Variants in MAPRE3 observed in about 807,000 individuals in gnomAD.
MAPRE3 encodes microtubule associated protein RP/EB family member 3.
Under a neutral mutation model 30.5 loss-of-function variants are expected in MAPRE3, and 2 were observed. That is an observed-to-expected ratio of 0.07 (90% CI 0.03 to 0.21). The LOEUF is 0.21. MAPRE3 is among the 10% of genes least tolerant of loss of function. The probability of loss-of-function intolerance (pLI) is 1.00; values close to 1 mark genes in which losing one functional copy is unlikely to be tolerated. For synonymous variants in MAPRE3, 110 were observed against 127.7 expected, an observed-to-expected ratio of 0.86 and a Z score of 0.93; for missense variants, 204 against 351.8, an observed-to-expected ratio of 0.58 and a Z score of 3.36.
intron 1 of MAPRE3, among the ~76,000 whole-genome samples, chr2:27,008,466 AAAG>A (rs1175515553): frequency 6.6e-6 from 1 of 152,212 alleles, no homozygotes; most frequent in Non-Finnish European, 1.5e-5. Context: ...TTTATTTTAA[AAAG>A]AAGAAAAAAT....
intron 1 of MAPRE3, among the ~76,000 whole-genome samples, chr2:27,016,271 C>G (rs1056796377): frequency 2.6e-5 from 4 of 152,084 alleles, no homozygotes; most frequent in Non-Finnish European, 5.9e-5. Flanking sequence ...TACTACATCT[C>G]TTGGGACAGA....
chr2:26,983,225 G>A (rs1331551154), intron 1 of MAPRE3, among the ~76,000 whole-genome samples: 1 of 152,170 alleles, frequency 6.6e-6, no homozygotes, highest in African/African-American at 2.4e-5. Flanking sequence ...GAGCCTTTCC[G>A]AAGGGTGCAT....
At chr2:26,971,239 G>A (rs1665910877) in intron 1 of MAPRE3, among the ~76,000 whole-genome samples, 1 of 152,254 alleles carries the variant, frequency 6.6e-6, no homozygotes, top group South Asian at 2.1e-4. Context: ...AGTGACAGGA[G>A]AGCGAGGGGA....
intron 1 of MAPRE3, among the ~76,000 whole-genome samples, chr2:27,018,397 C>A (rs1667034270): frequency 6.6e-6 from 1 of 152,196 alleles, no homozygotes; most frequent in Non-Finnish European, 1.5e-5. Flanking sequence ...CCCTGGGGAC[C>A]TGGCAGAGTC....
At chr2:27,022,082 G>A in intron 1 of MAPRE3, 130 bp from the exon 2 acceptor site, 1 of 1,006,810 alleles carries the variant, frequency 9.9e-7, no homozygotes, top group East Asian at 2.4e-5. Flanking sequence ...CCTCCCTCTG[G>A]GGATAAACTG....
At chr2:26,972,613 A>G (rs1349826876) in intron 1 of MAPRE3, among the ~76,000 whole-genome samples, 2 of 152,048 alleles carry the variant, frequency 1.3e-5, no homozygotes, top group African/African-American at 2.4e-5. Context: ...TCACCAAAAT[A>G]CCCGAGCAGG....
In MAPRE3 at chr2:27,026,318, G is replaced by A; in HGVS notation, c.816G>A (p.Glu272=). The change falls in exon 7 of 7, where the codon GAG becomes GAA. Residue 272 remains glutamate (E), a synonymous_variant. Transcript: ENST00000233121. ...FAPPEDDEIE[E]HQQEDQDEY ...CCCCTGAGGACGATGAGATTGAAGAGCATCAACAAGAAGACCAGGACGAGT... is the reference window on the plus strand; with the variant it reads ...CCCCTGAGGACGATGAGATTGAAGAACATCAACAAGAAGACCAGGACGAGT... 2 of 1,614,036 alleles carry A rather than the reference G, an allele frequency of 1.2e-6. No homozygotes were observed. The highest frequency in any genetic ancestry group is 1.1e-5 in the South Asian group (1 of 91,062).
chr2:26,978,836 A>G (rs983659035), intron 1 of MAPRE3, among the ~76,000 whole-genome samples: 1 of 152,232 alleles, frequency 6.6e-6, no homozygotes, highest in African/African-American at 2.4e-5. Flanking sequence ...CTTGTCCATG[A>G]GGAGGCTGTA....
At chr2:27,022,085 A>G in intron 1 of MAPRE3, 127 bp from the exon 2 acceptor site, 1 of 1,068,120 alleles carries the variant, frequency 9.4e-7, no homozygotes, top group South Asian at 1.5e-5. Context: ...CCCTCTGGGG[A>G]TAAACTGCGA....
rs988351689 is a variant in MAPRE3, at chr2:26,970,699, G to C, written c.-111G>C. 6.6e-6 allele frequency: 1 copy of C among 152,424 alleles called. No individual in the cohort carries two copies. Among genetic ancestry groups the C allele is most frequent in the African/African-American group, 2.4e-5 (1 of 41,466 alleles). 9.4% of individuals were successfully genotyped at this position (152,424 alleles called of 1,614,324 possible). On this transcript the variant is annotated 5_prime_UTR_variant, in exon 1 of 7. Transcript: ENST00000233121. ...CGGAGACCGCGGCGGCCTCAGCGAG[G>C]ACCCTCCGCCCCGGAGCCGCCGGCC...
chr2:26,994,417 C>G (rs1251018987), intron 1 of MAPRE3, among the ~76,000 whole-genome samples: 2 of 152,198 alleles, frequency 1.3e-5, no homozygotes, highest in African/African-American at 4.8e-5. Flanking sequence ...GATTAATTCT[C>G]CTCTCTCTAC....
intron 1 of MAPRE3, among the ~76,000 whole-genome samples, chr2:27,017,657 A>C (rs1221091032): frequency 1.3e-5 from 2 of 152,144 alleles, no homozygotes; most frequent in East Asian, 3.8e-4. Flanking sequence ...TTTTCCCCCC[A>C]GATAAGTGGC....
At chr2:26,994,806 TTTC>T (rs200069735) in intron 1 of MAPRE3, among the ~76,000 whole-genome samples, 4,322 of 138,314 alleles carry the variant, frequency 0.031, 366 homozygotes, top group African/African-American at 0.093. Context: ...GACATTTTCC[TTTC>T]TTCTTCTTCT....
At chr2:27,025,237 C>T (rs1036632204) in intron 4 of MAPRE3, among the ~76,000 whole-genome samples, 10 of 152,204 alleles carry the variant, frequency 6.6e-5, no homozygotes, top group South Asian at 2.1e-4. Flanking sequence ...GCTATGAGTA[C>T]GAGAGGGTCC....
rs1466964190 is a variant in MAPRE3, at chr2:27,026,048, C to A, written c.777+16C>A. On this transcript the variant is annotated intron_variant, in intron 6 of 6. Coordinates refer to ENST00000233121, the MANE Select transcript of MAPRE3 (RefSeq NM_012326.4). The stretch of plus-strand genomic sequence containing the variant: ...TGCCACAGAGGTGAGCACTCCCAGG[C>A]CCATTGGGCCCTCCCCAGTCTGGCC... The A allele has an allele frequency of 6.2e-7, 1 of 1,613,700 alleles. No individual in the cohort carries two copies. Among genetic ancestry groups the A allele is most frequent in the Non-Finnish European group, 8.5e-7 (1 of 1,179,870 alleles).
chr2:26,994,961 C>T (rs973318594), intron 1 of MAPRE3, among the ~76,000 whole-genome samples: 4 of 151,910 alleles, frequency 2.6e-5, no homozygotes, highest in African/African-American at 9.7e-5. Context: ...CTCAGCCTCC[C>T]GAGTACCTAG....
intron 1 of MAPRE3, among the ~76,000 whole-genome samples, chr2:26,974,736 A>G: frequency 6.6e-6 from 1 of 152,236 alleles, no homozygotes; most frequent in East Asian, 1.9e-4. Flanking sequence ...TCTGAATGCC[A>G]GTTTCCTCAT....
rs138340048 is a variant in MAPRE3, at chr2:26,994,668, C to G, written c.-8+23866C>G. On this transcript the variant is annotated intron_variant, in intron 1 of 6. Coordinates refer to ENST00000233121, the MANE Select transcript of MAPRE3 (RefSeq NM_012326.4). ...TGCACTGATAAATTTTAAGTAAGTCCTGCTCTGTGACATCTAGGAAGACAT... is the reference window on the plus strand; with the variant it reads ...TGCACTGATAAATTTTAAGTAAGTCGTGCTCTGTGACATCTAGGAAGACAT... Among the ~76,000 whole-genome samples the G allele has an allele frequency of 9.9e-5, 15 of 152,220 alleles. No individual in the cohort carries two copies. The East Asian group carries it at 2.7e-3, about 27-fold the overall frequency.
At chr2:26,987,865 T>G (rs1666255165) in intron 1 of MAPRE3, among the ~76,000 whole-genome samples, 1 of 152,256 alleles carries the variant, frequency 6.6e-6, no homozygotes, top group African/African-American at 2.4e-5. Context: ...TGAGAAATTA[T>G]GGTGCATGCC....
Sources: gnomAD v4.1 joint callset for allele counts (sites outside exome capture counted in the v4.1 genomes callset) on GRCh38, gnomAD v4.1.1 for gene constraint, MANE v1.5 for transcripts, NCBI Gene and HGNC (gene_info 2026-07-23, HGNC 2026-07-21) for gene names.